TET3: variants seen among roughly 807,000 people sequenced by gnomAD.
The protein encoded by TET3 is methylcytosine dioxygenase TET3.
In TET3, 19 loss-of-function variants were observed where a neutral mutation model predicts 141.4. That is an observed-to-expected ratio of 0.13 (90% CI 0.09 to 0.20). The LOEUF (loss-of-function observed/expected upper bound fraction) is 0.20. Among genes scored for constraint, TET3 ranks in the 10% least tolerant of loss-of-function variants. The pLI, the probability that TET3 is intolerant of heterozygous loss-of-function variation, is 1.00. For missense variants in TET3, 1,874 were observed against 2,356.9 expected (o/e 0.80, Z 4.24); for synonymous variants, 1,043 against 980.9 (o/e 1.06, Z -1.18).
intron 10 of TET3, among the ~76,000 whole-genome samples, chr2:74,096,221 TG>T: frequency 6.6e-6 from 1 of 152,296 alleles, no homozygotes; most frequent in Middle Eastern, 3.4e-3. Flanking sequence ...GAAGCAGGGC[TG>T]GGGCTGGCCA....
chr2:74,118,314 C>T, the TET3 span, among the ~76,000 whole-genome samples: 8 of 152,116 alleles, frequency 5.3e-5, no homozygotes, highest in Non-Finnish European at 1.2e-4. Flanking sequence ...ATTACAAGAA[C>T]AAGTTGAATT....
intron 4 of TET3, among the ~76,000 whole-genome samples, chr2:74,048,643 C>T (rs547870836): frequency 6.6e-6 from 1 of 152,284 alleles, no homozygotes; most frequent in African/African-American, 2.4e-5. Context: ...TGCTTTAATA[C>T]ACAAATGGAG....
At chr2:74,124,102 G>A in the TET3 span, among the ~76,000 whole-genome samples, 1 of 150,832 alleles carries the variant, frequency 6.6e-6, no homozygotes, top group African/African-American at 2.4e-5. Context: ...CCTCCGCCCA[G>A]CAGCTGCCCG....
chr2:74,098,942 G>A (rs1208340745), intron 10 of TET3, among the ~76,000 whole-genome samples: 2 of 152,346 alleles, frequency 1.3e-5, no homozygotes, highest in South Asian at 2.1e-4. Flanking sequence ...ACTGGGCAAC[G>A]TGGTGCTGTG....
chr2:74,003,887 G>C (rs1012634024), intron 3 of TET3, among the ~76,000 whole-genome samples: 1 of 151,868 alleles, frequency 6.6e-6, no homozygotes, highest in African/African-American at 2.4e-5. Flanking sequence ...GACAGGGGAG[G>C]GGAGAGTCCA....
intron 4 of TET3, among the ~76,000 whole-genome samples, chr2:74,056,543 A>T (rs1024101990): frequency 2.0e-5 from 3 of 151,882 alleles, no homozygotes; most frequent in East Asian, 1.9e-4. Context: ...AAAGGGGGGG[A>T]AAAAAAGAAC....
intron 4 of TET3, among the ~76,000 whole-genome samples, chr2:74,067,179 G>A (rs1688951947): frequency 6.6e-6 from 1 of 150,986 alleles, no homozygotes; most frequent in African/African-American, 2.4e-5. Context: ...TCTATTTTAT[G>A]GTTCAAAATA....
intron 4 of TET3, among the ~76,000 whole-genome samples, chr2:74,048,679 G>T (rs778882578): frequency 1.4e-4 from 22 of 152,212 alleles, no homozygotes; most frequent in Non-Finnish European, 2.4e-4. Flanking sequence ...AGGCCTTCTT[G>T]TAGGAGGTAG....
chr2:74,109,404 T>C (rs1259631377), downstream of TET3, among the ~76,000 whole-genome samples: 1 of 152,236 alleles, frequency 6.6e-6, no homozygotes, highest in Non-Finnish European at 1.5e-5. Flanking sequence ...TAATACAATC[T>C]TGTAATCTTT....
chr2:73,992,821 T>C (rs10207365), intron 2 of TET3, among the ~76,000 whole-genome samples: 14,007 of 152,220 alleles, frequency 0.092, 1,595 homozygotes, highest in African/African-American at 0.26. Flanking sequence ...GAACAGATTG[T>C]TTAAAAGGTG....
intron 3 of TET3, among the ~76,000 whole-genome samples, chr2:74,042,759 C>T (rs1381808949): frequency 6.6e-6 from 1 of 152,352 alleles, no homozygotes; most frequent in South Asian, 2.1e-4. Flanking sequence ...CTTCTCTTGC[C>T]TGTTGGCCCC....
At chr2:74,120,303 G>C in the TET3 span, among the ~76,000 whole-genome samples, 9 of 152,340 alleles carry the variant, frequency 5.9e-5, no homozygotes, top group East Asian at 1.4e-3. Context: ...CACGGCGGCA[G>C]GGGGCGACCT....
chr2:74,031,862 A>G (rs777835874), intron 3 of TET3, among the ~76,000 whole-genome samples: 1 of 152,214 alleles, frequency 6.6e-6, no homozygotes, highest in Non-Finnish European at 1.5e-5. Context: ...ATTGAGGCAC[A>G]TGTGGGAGCT....
intron 4 of TET3, among the ~76,000 whole-genome samples, chr2:74,057,611 G>A (rs1182096117): frequency 6.6e-6 from 1 of 152,168 alleles, no homozygotes; most frequent in Non-Finnish European, 1.5e-5. Flanking sequence ...TCTCCCCCAG[G>A]GGACATTTGG....
intron 2 of TET3, among the ~76,000 whole-genome samples, chr2:73,987,005 G>T (rs1267080098): frequency 1.3e-5 from 2 of 152,212 alleles, no homozygotes; most frequent in Non-Finnish European, 2.9e-5. Flanking sequence ...GCTGCTTGAA[G>T]CCTCAGATGT....
At position 74,106,389 on chromosome 2, in the gene TET3, A is replaced by AT. The variant is rs1444072521; in HGVS notation, c.*4214dup. 6.5e-6 allele frequency: 1 copy of AT among 153,710 alleles called. No homozygotes were observed. The highest frequency in any genetic ancestry group is 2.4e-5 in the African/African-American group (1 of 41,426). 9.5% of individuals were successfully genotyped at this position (153,710 alleles called of 1,614,324 possible). A position where few individuals can be genotyped will look rare whatever the true frequency, so the allele number is the denominator to read the frequency against. On this transcript the variant is annotated 3_prime_UTR_variant, in exon 12 of 12. Transcript: ENST00000409262. ...GGGTACTTCTGCCTCTCCTAGCATG[A>AT]TAGGCATTCTCATAGCCAGGGACAG...
the TET3 span, among the ~76,000 whole-genome samples, chr2:74,128,478 C>T: frequency 6.6e-6 from 1 of 152,034 alleles, no homozygotes; most frequent in South Asian, 2.1e-4. Flanking sequence ...AGAAAAAAGA[C>T]ATTAAGGGAA....
chr2:74,006,200 G>C (rs1203487253), intron 3 of TET3, among the ~76,000 whole-genome samples: 1 of 152,184 alleles, frequency 6.6e-6, no homozygotes, highest in East Asian at 1.9e-4. Context: ...CTTCTCTCTC[G>C]GGTATGTTTA....
At position 74,092,999 on chromosome 2, in the gene TET3, G is replaced by A. The variant is rs1305835007; in HGVS notation, c.3129+8G>A. The A allele has an allele frequency of 3.2e-6, 5 of 1,561,356 alleles. No individual in the cohort carries two copies. Among genetic ancestry groups the A allele is most frequent in the Non-Finnish European group, 4.3e-6 (5 of 1,152,604 alleles). ...CAGGCCTATCAGAACCAGGTAACGG[G>A]CCCTGGGCCTTTTGCTGCCCACATG... On this transcript the variant is annotated splice_region_variant and intron_variant, in intron 9 of 11. Coordinates refer to ENST00000409262, the MANE Select transcript of TET3 (RefSeq NM_001287491.2).
Sources: allele counts gnomAD v4.1 joint callset (sites outside exome capture counted in the v4.1 genomes callset), GRCh38; gene constraint gnomAD v4.1.1; transcripts MANE v1.5; gene names NCBI Gene and HGNC (gene_info 2026-07-23, HGNC 2026-07-21).